The following SPTBN4 variants were observed in gnomAD, a reference collection of about 807,000 sequenced individuals.
The protein encoded by SPTBN4 is spectrin beta, non-erythrocytic 4.
A neutral mutation model predicts 277.8 loss-of-function variants in SPTBN4; 96 were observed. The ratio of observed to expected loss-of-function variants is 0.35; its 90% CI spans 0.29 to 0.41. The LOEUF is 0.41. Ranked by LOEUF, SPTBN4 falls within the 10% of genes least tolerant of loss-of-function variation. The pLI, the probability that SPTBN4 is intolerant of heterozygous loss-of-function variation, is 1.00. For synonymous variants in SPTBN4, 1,481 were observed against 1,580.3 expected, an observed-to-expected ratio of 0.94 and a Z score of 1.49; for missense variants, 3,006 against 3,595.7, an observed-to-expected ratio of 0.84 and a Z score of 4.19.
At chr19:40,574,238 C>T (rs1277941987) in intron 35 of SPTBN4, among the ~76,000 whole-genome samples, 2 of 152,138 alleles carry the variant, frequency 1.3e-5, no homozygotes, top group African/African-American at 4.8e-5. Flanking sequence ...GCCACACAGG[C>T]CTGTGGGGAG....
intron 15 of SPTBN4, among the ~76,000 whole-genome samples, chr19:40,518,864 G>C (rs1223437103): frequency 2.0e-5 from 3 of 152,158 alleles, no homozygotes; most frequent in Non-Finnish European, 2.9e-5. Flanking sequence ...TTCATGAATA[G>C]CCACTGCGTT....
At chr19:40,491,326 C>G (rs1391052423) in intron 4 of SPTBN4, among the ~76,000 whole-genome samples, 1 of 152,046 alleles carries the variant, frequency 6.6e-6, no homozygotes, top group Admixed American at 6.6e-5. Flanking sequence ...CATGGAGGAG[C>G]TGAGGCTCAG....
intron 12 of SPTBN4, among the ~76,000 whole-genome samples, chr19:40,504,479 C>G (rs868721484): frequency 1.1e-4 from 17 of 152,160 alleles, no homozygotes; most frequent in Admixed American, 2.6e-4. Context: ...CCAGCCTGGC[C>G]AACATGGTGA....
intron 20 of SPTBN4, among the ~76,000 whole-genome samples, chr19:40,540,880 G>C (rs1599783657): frequency 6.9e-6 from 1 of 145,762 alleles, no homozygotes; most frequent in East Asian, 2.1e-4. Context: ...TATTTATATA[G>C]TGTTAAAAGT....
In SPTBN4 at chr19:40,545,959, C is replaced by T. The variant is rs533214610; in HGVS notation, c.4360-3230C>T. 7.3e-5 allele frequency among the ~76,000 whole-genome samples: 11 copies of T among 151,456 alleles called. No individual in the cohort carries two copies. In the South Asian group the frequency reaches 8.3e-4, roughly 11 times the overall value. ...TTGGGAGGCTGAGGCAGGAGAATGC[C>T]GTGAACCCAGGAGGCAGAGCTTGGA... On this transcript the variant is annotated intron_variant, in intron 20 of 35. Transcript: ENST00000598249.
At chr19:40,572,488 A>G in intron 35 of SPTBN4, 108 bp downstream of exon 35, 1 of 1,387,094 alleles carries the variant, frequency 7.2e-7, no homozygotes, top group South Asian at 1.2e-5. Context: ...CACAGGCCAG[A>G]GTTATCAGGG....
intron 4 of SPTBN4, among the ~76,000 whole-genome samples, chr19:40,492,473 G>C (rs899673863): frequency 2.6e-5 from 4 of 152,128 alleles, no homozygotes; most frequent in Non-Finnish European, 4.4e-5. Context: ...GGAGTGGAGT[G>C]AGCTGTTGAA....
rs2080273613 is a variant in SPTBN4 at position 40,502,415 on chromosome 19, G to A, written c.1111G>A (p.Val371Met). 2 of 1,613,264 alleles carry A rather than the reference G, an allele frequency of 1.2e-6. No homozygotes were observed. Among genetic ancestry groups the A allele is most frequent in the Non-Finnish European group, 1.7e-6 (2 of 1,179,866 alleles). ...VKFQEKGNLEVLLFSIQSKLR... is the reference protein window; with the variant it reads ...VKFQEKGNLEMLLFSIQSKLR... The stretch of plus-strand genomic sequence containing the variant: ...GTTCCAGGAGAAGGGGAACCTAGAG[G>A]TGCTGCTCTTCAGCATCCAGAGCAA... Residue 371 changes from valine to methionine, a missense_variant, in exon 10 of 36, where the codon GTG (valine) becomes ATG (methionine). Around this residue, in one of 5 missense-constraint regions of SPTBN4, gnomAD observed 1,759 missense variants for 2,061.5 expected, o/e 0.85. Coordinates refer to ENST00000598249, the MANE Select transcript of SPTBN4 (RefSeq NM_020971.3). The surrounding 1 kb of genome is among the most constrained non-coding windows in gnomAD (Gnocchi z 4.9).
Position 40,497,599 on chromosome 19 carries a change from C to G in SPTBN4, c.779C>G (p.Pro260Arg). The G allele has an allele frequency of 6.2e-7, 1 of 1,613,596 alleles. No homozygotes were observed. Among genetic ancestry groups the G allele is most frequent in the Non-Finnish European group, 8.5e-7 (1 of 1,179,918 alleles). Reference sequence around the variant, plus strand: ...CTGGGGCTGGCGCGGCTGCTGGATCCTGAAGGTGAGCCTCTCGCGGGCCCA... The same window carrying G: ...CTGGGGCTGGCGCGGCTGCTGGATCGTGAAGGTGAGCCTCTCGCGGGCCCA... Reference protein sequence around the residue: ...QHLGLARLLDPEDVNMEAPDE... With the variant: ...QHLGLARLLDREDVNMEAPDE... The change falls in exon 7 of 36, where the codon CCT becomes CGT. Residue 260 changes from proline to arginine, a missense_variant. Physicochemically the swap from Pro to Arg is moderately radical, Grantham distance 103. Coordinates refer to ENST00000598249, the MANE Select transcript of SPTBN4 (RefSeq NM_020971.3).
chr19:40,485,993 A>C (rs973644154), intron 2 of SPTBN4, among the ~76,000 whole-genome samples: 4 of 151,442 alleles, frequency 2.6e-5, no homozygotes, highest in African/African-American at 9.7e-5. Flanking sequence ...AAAAAAAAAA[A>C]CAGTAGAGGG....
intron 15 of SPTBN4, among the ~76,000 whole-genome samples, chr19:40,517,655 C>T (rs1045432282): frequency 1.8e-4 from 28 of 152,168 alleles, no homozygotes; most frequent in Admixed American, 1.8e-3. Context: ...TTTAAAACCT[C>T]TGTAGCCAAG....
chr19:40,551,553 C>G (rs967789905), intron 22 of SPTBN4, among the ~76,000 whole-genome samples: 6 of 152,176 alleles, frequency 3.9e-5, no homozygotes, highest in African/African-American at 1.4e-4. Flanking sequence ...ATCTCTGAAT[C>G]TGTTCATTCC....
chr19:40,475,343 C>A (rs2079934971), intron 2 of SPTBN4, among the ~76,000 whole-genome samples: 1 of 152,174 alleles, frequency 6.6e-6, no homozygotes, highest in East Asian at 1.9e-4. Context: ...TGATCATAAT[C>A]ATGAATTCTT....
In SPTBN4 at chr19:40,487,318, G is replaced by C. The variant is rs1383730031; in HGVS notation, c.170-379G>C. Among the ~76,000 whole-genome samples the C allele has an allele frequency of 2.0e-5, 3 of 149,468 alleles. No individual in the cohort carries two copies. The East Asian group carries it at 5.9e-4, about 29-fold the overall frequency. On this transcript the variant is annotated intron_variant, in intron 2 of 35. Transcript: ENST00000598249. ...GCCTTCCAAAGTGCTGGGATTATAG[G>C]CATGAGCCACCGCGCCCAGCCGACT... is the stretch of plus-strand genomic sequence containing the variant.
In SPTBN4 at chr19:40,529,050, A is replaced by C; in HGVS notation, c.3867A>C (p.Glu1289Asp). The C allele has an allele frequency of 7.4e-6, 12 of 1,613,938 alleles. No homozygotes were observed. The highest frequency in any genetic ancestry group is 1.0e-5 in the Non-Finnish European group (12 of 1,179,912). The stretch of plus-strand genomic sequence containing the variant: ...ATCTCCCCATCCCCAGGAACCAAGA[A>C]AACCAGTTACGGGCCCAGCAATGGA... ...AVTRLLEKNQ[E>D]NQLRAQQWMQ... Residue 1289 changes from glutamate (E) to aspartate (D), a missense_variant, in exon 18 of 36, where the codon GAA (glutamate) becomes GAC (aspartate). This residue lies in a region of SPTBN4 where 1,759 missense variants were observed against 2,061.5 expected (regional missense o/e 0.85). Transcript: ENST00000598249.
At chr19:40,541,934 C>G (rs1176218989) in intron 20 of SPTBN4, among the ~76,000 whole-genome samples, 1 of 150,114 alleles carries the variant, frequency 6.7e-6, no homozygotes, top group Non-Finnish European at 1.5e-5. Context: ...TTTATTTTTT[C>G]TTTTTGAGAC....
chr19:40,476,229 C>T (rs1208719640), intron 2 of SPTBN4, among the ~76,000 whole-genome samples: 1 of 151,666 alleles, frequency 6.6e-6, no homozygotes, highest in Admixed American at 6.6e-5. Flanking sequence ...CCTCTAATCC[C>T]AGCTACTCAG....
rs374217622 is a variant in SPTBN4, at chr19:40,560,473, G to A, written c.5915+70G>A. The A allele has an allele frequency of 2.5e-6, 4 of 1,608,210 alleles. No individual in the cohort carries two copies. The African/African-American group carries it at 4.0e-5, about 16-fold the overall frequency. On this transcript the variant is annotated intron_variant, in intron 27 of 35. Transcript: ENST00000598249. This position sits in a 1 kb window ranked among gnomAD's most constrained non-coding sequence, Gnocchi z 5.2. ...CTACCCCAGCCACCCCCAGCCCATT[G>A]ACAGCCCCCTTCTCAATGGAATGAC...
intron 2 of SPTBN4, among the ~76,000 whole-genome samples, chr19:40,485,073 C>T (rs536744280): frequency 1.3e-5 from 2 of 152,130 alleles, no homozygotes; most frequent in East Asian, 3.9e-4. Context: ...AAACTCCTGT[C>T]GTCAGGTGAT....
Sources: gnomAD v4.1 joint callset for allele counts (sites outside exome capture counted in the v4.1 genomes callset) on GRCh38, gnomAD v4.1.1 for gene constraint, gnomAD v4.1.1 regional missense constraint, Gnocchi (gnomAD v3.1) non-coding constraint, MANE v1.5 for transcripts, NCBI Gene and HGNC (gene_info 2026-07-23, HGNC 2026-07-21) for gene names.